ADCY8: variants seen among roughly 807,000 people sequenced by gnomAD.
ADCY8 encodes adenylate cyclase 8.
ADCY8 carries 51 observed loss-of-function variants against 119.7 expected under a neutral mutation model. That is an observed-to-expected ratio of 0.43 (90% CI 0.34 to 0.54). The LOEUF is 0.54. Ranked by LOEUF, ADCY8 falls within the 20% of genes least tolerant of loss-of-function variation. The pLI is 0.03. For synonymous variants in ADCY8, 665 were observed against 651.0 expected (o/e 1.02, Z -0.33); for missense variants, 1,383 against 1,598.8 (o/e 0.87, Z 2.30).
At chr8:130,924,931 G>A (rs1820416272) in intron 5 of ADCY8, among the ~76,000 whole-genome samples, 1 of 151,910 alleles carries the variant, frequency 6.6e-6, no homozygotes, top group Admixed American at 6.6e-5. Context: ...TCAAGCGTCC[G>A]GGCACGGTGG....
chr8:130,920,644 A>G (rs894391581), intron 5 of ADCY8, among the ~76,000 whole-genome samples: 1 of 152,238 alleles, frequency 6.6e-6, no homozygotes, highest in Non-Finnish European at 1.5e-5. Flanking sequence ...AGGGAGGAAC[A>G]CTGTGATTTT....
At chr8:131,011,916 G>A (rs1045422820) in intron 1 of ADCY8, among the ~76,000 whole-genome samples, 1 of 152,072 alleles carries the variant, frequency 6.6e-6, no homozygotes, top group African/African-American at 2.4e-5. Flanking sequence ...AGGACATAGT[G>A]GACACACTAA....
At chr8:130,992,894 C>T (rs1411178) in intron 1 of ADCY8, among the ~76,000 whole-genome samples, 9 of 151,780 alleles carry the variant, frequency 5.9e-5, no homozygotes, top group African/African-American at 9.7e-5. Context: ...CATATTTACA[C>T]GTTCAATAAT....
chr8:130,846,617 TTTCC>T (rs1348149972), intron 11 of ADCY8, among the ~76,000 whole-genome samples: 1 of 112,042 alleles, frequency 8.9e-6, no homozygotes, highest in Admixed American at 8.8e-5. Flanking sequence ...CTTCCTTCCT[TTTCC>T]TTCCTTCCTT....
At chr8:130,927,597 A>G (rs1011313957) in intron 5 of ADCY8, among the ~76,000 whole-genome samples, 4 of 152,134 alleles carry the variant, frequency 2.6e-5, no homozygotes, top group African/African-American at 9.7e-5. Flanking sequence ...TTAGTTTTTC[A>G]GATAGTTTGC....
intron 13 of ADCY8, among the ~76,000 whole-genome samples, chr8:130,818,831 T>C (rs1357356085): frequency 6.6e-6 from 1 of 152,212 alleles, no homozygotes; most frequent in Non-Finnish European, 1.5e-5. Flanking sequence ...GGAAACAGAA[T>C]GGAACTAGGA....
intron 2 of ADCY8, among the ~76,000 whole-genome samples, chr8:130,956,939 T>C (rs1821446275): frequency 6.6e-6 from 1 of 152,192 alleles, no homozygotes; most frequent in African/African-American, 2.4e-5. Flanking sequence ...AAACCCTTTT[T>C]CCTGTATAAA....
intron 1 of ADCY8, among the ~76,000 whole-genome samples, chr8:131,010,015 C>A (rs1823249987): frequency 6.6e-6 from 1 of 152,122 alleles, no homozygotes; most frequent in Non-Finnish European, 1.5e-5. Context: ...AAATCCTCAT[C>A]CCAATCCTGC....
rs1370708931 is a variant in ADCY8, at chr8:131,039,465, G to C, written c.869C>G (p.Thr290Ser). 2 of 1,614,044 alleles carry C rather than the reference G, an allele frequency of 1.2e-6. No individual in the cohort carries two copies. The highest frequency in any genetic ancestry group is 1.7e-6 in the Non-Finnish European group (2 of 1,180,054). Residue 290 changes from threonine (T) to serine (S), a missense_variant, in exon 1 of 18, where the codon ACC (threonine) becomes AGC (serine). Transcript: ENST00000286355. ...GCCCAGGCCGGCCAGGATGGCCCAGGTGAGCGGCAGCGGCAGCATACTGTA... is the reference window on the plus strand; with the variant it reads ...GCCCAGGCCGGCCAGGATGGCCCAGCTGAGCGGCAGCGGCAGCATACTGTA... ...ATYSMLPLPL[T>S]WAILAGLGTS...
intron 10 of ADCY8, 75 bp from the exon 11 acceptor site, chr8:130,847,588 A>C: frequency 7.9e-7 from 1 of 1,258,660 alleles, no homozygotes; most frequent in South Asian, 1.3e-5. Flanking sequence ...GAGTGCTGGA[A>C]ATGGAGCAGT....
At chr8:130,849,957 T>A (rs1253183216) in intron 9 of ADCY8, among the ~76,000 whole-genome samples, 154 bp from the exon 10 acceptor site, 1 of 152,228 alleles carries the variant, frequency 6.6e-6, no homozygotes, top group Non-Finnish European at 1.5e-5. Context: ...GAGAGATTTT[T>A]AAAAATTACA....
chr8:130,970,379 G>A lies in ADCY8; in HGVS notation c.1111-18381C>T, dbSNP rs113979903. Among the ~76,000 whole-genome samples the A allele has an allele frequency of 1.8e-4, 27 of 152,172 alleles. 1 individual carries two copies. The highest frequency in any genetic ancestry group is 6.0e-4 in the African/African-American group (25 of 41,430). On this transcript the variant is annotated intron_variant, in intron 2 of 17. Coordinates refer to ENST00000286355, the MANE Select transcript of ADCY8 (RefSeq NM_001115.3). ...CCGTGCATGTGAGGGTGTAGGTTGCGTGCTTCTTATGGGAATGTAATGCCT... is the reference window on the plus strand; with the variant it reads ...CCGTGCATGTGAGGGTGTAGGTTGCATGCTTCTTATGGGAATGTAATGCCT...
chr8:130,810,357 C>CACAA (rs1328821830), intron 14 of ADCY8, among the ~76,000 whole-genome samples: 1 of 143,830 alleles, frequency 7.0e-6, no homozygotes, highest in Non-Finnish European at 1.5e-5. Flanking sequence ...TACACACACA[C>CACAA]ACACACACAC....
chr8:130,816,153 T>C (rs949764236), intron 13 of ADCY8, among the ~76,000 whole-genome samples: 3 of 152,156 alleles, frequency 2.0e-5, no homozygotes, highest in Non-Finnish European at 4.4e-5. Flanking sequence ...GAAAAGACCA[T>C]ATGCAAAAGG....
chr8:130,837,816 G>A (rs563031065), intron 11 of ADCY8, among the ~76,000 whole-genome samples: 9 of 152,324 alleles, frequency 5.9e-5, no homozygotes, highest in African/African-American at 2.2e-4. Flanking sequence ...AACTGGTCAA[G>A]ATGGGAGTCA....
intron 1 of ADCY8, among the ~76,000 whole-genome samples, chr8:131,000,207 G>A (rs1225734406): frequency 6.6e-6 from 1 of 152,084 alleles, no homozygotes; most frequent in Non-Finnish European, 1.5e-5. Flanking sequence ...GGTACAGGAG[G>A]GTGGGGTCTA....
intron 9 of ADCY8, among the ~76,000 whole-genome samples, chr8:130,863,496 T>C (rs1818014221): frequency 6.6e-6 from 1 of 152,146 alleles, no homozygotes; most frequent in Admixed American, 6.5e-5. Flanking sequence ...ACATCCATCA[T>C]CTTTGTAACT....
intron 3 of ADCY8, among the ~76,000 whole-genome samples, chr8:130,950,353 A>G (rs1219406424): frequency 6.6e-6 from 1 of 152,236 alleles, no homozygotes; most frequent in Non-Finnish European, 1.5e-5. Flanking sequence ...AAGAAGCAGC[A>G]GGAGCAGGAA....
At chr8:130,947,159 T>C (rs1236710101) in intron 3 of ADCY8, among the ~76,000 whole-genome samples, 2 of 152,234 alleles carry the variant, frequency 1.3e-5, no homozygotes, top group Non-Finnish European at 2.9e-5. Context: ...AAATAAGTCA[T>C]GTTACCTAAT....
Sources: allele counts gnomAD v4.1 joint callset (sites outside exome capture counted in the v4.1 genomes callset), GRCh38; gene constraint gnomAD v4.1.1; transcripts MANE v1.5; gene names NCBI Gene and HGNC (gene_info 2026-07-23, HGNC 2026-07-21).